MTRF1: variants seen among roughly 807,000 people sequenced by gnomAD.
The protein encoded by MTRF1 is peptide chain release factor 1, mitochondrial.
Under a neutral mutation model 62.9 loss-of-function variants are expected in MTRF1, and 51 were observed. The observed-to-expected ratio is 0.81, with a 90% CI of 0.65 to 1.02. MTRF1 has a LOEUF of 1.02. MTRF1 is among the 50% of genes least tolerant of loss of function. MTRF1 has a pLI of 0.00. For missense variants in MTRF1, 446 were observed against 530.0 expected, an observed-to-expected ratio of 0.84 and a Z score of 1.56; for synonymous variants, 158 against 181.9, an observed-to-expected ratio of 0.87 and a Z score of 1.06.
At chr13:41,268,443 G>A (rs1209410841), upstream of MTRF1, among the ~76,000 whole-genome samples, 2 of 152,218 alleles carry the variant, frequency 1.3e-5, no homozygotes, top group African/African-American at 2.4e-5. Flanking sequence ...ATTCTCGGGA[G>A]GCTGAGGAAG....
At chr13:41,266,248 G>A (rs1221771290), upstream of MTRF1, among the ~76,000 whole-genome samples, 1 of 152,052 alleles carries the variant, frequency 6.6e-6, no homozygotes, top group Non-Finnish European at 1.5e-5. Flanking sequence ...GTGAGCTACT[G>A]CACCTGGCCC....
At chr13:41,271,082 C>CACATACACACAT in the MTRF1 span, among the ~76,000 whole-genome samples, 2 of 149,944 alleles carry the variant, frequency 1.3e-5, no homozygotes, top group Admixed American at 1.3e-4. Context: ...CACACACACA[C>CACATACACACAT]ACACACACAC....
At chr13:41,251,691 T>C (rs2039077571) in intron 5 of MTRF1, among the ~76,000 whole-genome samples, 1 of 152,142 alleles carries the variant, frequency 6.6e-6, no homozygotes. Context: ...GAATCCTCTC[T>C]CCCCACTTTG....
At chr13:41,244,819 T>A (rs1384048890) in intron 5 of MTRF1, among the ~76,000 whole-genome samples, 1 of 152,134 alleles carries the variant, frequency 6.6e-6, no homozygotes, top group African/African-American at 2.4e-5. Context: ...ACCCAACAGC[T>A]TAACTGCAAC....
the MTRF1 span, among the ~76,000 whole-genome samples, chr13:41,297,182 A>T: frequency 3.3e-5 from 5 of 152,198 alleles, no homozygotes; most frequent in African/African-American, 4.8e-5. Context: ...GATTACATAA[A>T]TTCTTGTTTG....
chr13:41,240,184 T>A, intron 6 of MTRF1, 77 bp downstream of exon 6: 2 of 1,396,084 alleles, frequency 1.4e-6, no homozygotes, highest in Non-Finnish European at 9.6e-7. Context: ...AAAGGACAGA[T>A]TTTCCTAGAA....
chr13:41,307,653 C>G, the MTRF1 span, among the ~76,000 whole-genome samples: 2 of 151,992 alleles, frequency 1.3e-5, no homozygotes, highest in African/African-American at 2.4e-5. Context: ...CTCTTTCACT[C>G]TATTCCTCCT....
intron 1 of MTRF1, chr13:41,261,730 TG>T: frequency 1.1e-6 from 1 of 900,394 alleles, no homozygotes; most frequent in Non-Finnish European, 1.3e-6. Flanking sequence ...GAGACAGAGC[TG>T]GTATTAGAAT....
At chr13:41,271,636 T>C in the MTRF1 span, among the ~76,000 whole-genome samples, 1 of 152,110 alleles carries the variant, frequency 6.6e-6, no homozygotes, top group Non-Finnish European at 1.5e-5. Flanking sequence ...GTGCATTTCC[T>C]GGATGAGCCT....
intron 8 of MTRF1, 47 bp from the exon 9 acceptor site, chr13:41,223,401 T>G (rs778207632): frequency 6.8e-7 from 1 of 1,472,898 alleles, no homozygotes; most frequent in Non-Finnish European, 9.5e-7. Flanking sequence ...TATAAATGTC[T>G]TCATTACAAT....
At chr13:41,274,750 C>T in the MTRF1 span, among the ~76,000 whole-genome samples, 6 of 151,592 alleles carry the variant, frequency 4.0e-5, no homozygotes, top group East Asian at 1.2e-3. Flanking sequence ...ATTCTTGTGC[C>T]TCACCCTCCC....
At chr13:41,270,135 C>G in the MTRF1 span, among the ~76,000 whole-genome samples, 9 of 151,996 alleles carry the variant, frequency 5.9e-5, no homozygotes, top group African/African-American at 2.2e-4. Flanking sequence ...GTTTTGTAAC[C>G]CCTATGCAAA....
chr13:41,287,012 C>T, the MTRF1 span, among the ~76,000 whole-genome samples: 1 of 152,152 alleles, frequency 6.6e-6, no homozygotes, highest in Non-Finnish European at 1.5e-5. Flanking sequence ...AGACAAAGGT[C>T]TTTAAATAGT....
At chr13:41,300,484 G>T in the MTRF1 span, among the ~76,000 whole-genome samples, 2 of 151,908 alleles carry the variant, frequency 1.3e-5, no homozygotes, top group Non-Finnish European at 2.9e-5. Flanking sequence ...TACTCGGGAG[G>T]CTGAGGCAGG....
the MTRF1 span, among the ~76,000 whole-genome samples, chr13:41,287,483 C>G: frequency 6.6e-6 from 1 of 152,152 alleles, no homozygotes; most frequent in Non-Finnish European, 1.5e-5. Flanking sequence ...GGACACATAT[C>G]AAACGATATT....
At chr13:41,276,449 G>A in the MTRF1 span, among the ~76,000 whole-genome samples, 1 of 152,128 alleles carries the variant, frequency 6.6e-6, no homozygotes, top group Non-Finnish European at 1.5e-5. Flanking sequence ...TGGGATTAGA[G>A]GCATGAGCCA....
At chr13:41,310,706 A>G in the MTRF1 span, among the ~76,000 whole-genome samples, 6 of 152,192 alleles carry the variant, frequency 3.9e-5, no homozygotes, top group African/African-American at 1.4e-4. Context: ...AAGATTGTAA[A>G]TGTTTGTTTG....
chr13:41,292,323 G>A, the MTRF1 span, among the ~76,000 whole-genome samples: 67 of 152,214 alleles, frequency 4.4e-4, no homozygotes, highest in African/African-American at 1.5e-3. Flanking sequence ...GGTGGCTCAC[G>A]CTTGTAATCC....
chr13:41,260,594 G>A lies in MTRF1; in HGVS notation c.314C>T (p.Ser105Phe). 1 of 1,614,110 alleles carries A rather than the reference G, an allele frequency of 6.2e-7. No individual in the cohort carries two copies. Residue 105 changes from serine to phenylalanine, a missense_variant, in exon 2 of 10, where the codon TCC becomes TTC. Coordinates refer to ENST00000379480, the MANE Select transcript of MTRF1 (RefSeq NM_004294.4). ...HIPVNEENRR[S>F]LNRRHAELAP... ...CAACTCAGCATGCCTTCTGTTCAAG[G>A]ACCTTCGGTTTTCCTCATTCACAGG...
Sources: allele counts gnomAD v4.1 joint callset (sites outside exome capture counted in the v4.1 genomes callset), GRCh38; gene constraint gnomAD v4.1.1; transcripts MANE v1.5; gene names NCBI Gene and HGNC (gene_info 2026-07-23, HGNC 2026-07-21).